Variants in PTPRT observed in about 807,000 individuals in gnomAD.
The protein encoded by PTPRT is protein tyrosine phosphatase receptor type T.
Under a neutral mutation model 176.8 loss-of-function variants are expected in PTPRT, and 56 were observed. The observed-to-expected ratio is 0.32, with a 90% CI of 0.26 to 0.40. The LOEUF is 0.40. PTPRT is among the 10% of genes least tolerant of loss of function. PTPRT has a pLI of 1.00. For synonymous variants in PTPRT, 783 were observed against 739.0 expected, an observed-to-expected ratio of 1.06 and a Z score of -0.96; for missense variants, 1,540 against 1,908.2, an observed-to-expected ratio of 0.81 and a Z score of 3.60.
At chr20:42,809,696 C>T (rs73098095) in intron 2 of PTPRT, among the ~76,000 whole-genome samples, 59,579 of 151,822 alleles carry the variant, frequency 0.39, 12,597 homozygotes, top group Non-Finnish European at 0.48. Flanking sequence ...GTCGTCTCTG[C>T]CTCTGTTTTC....
chr20:43,180,827 T>C (rs2425616), intron 1 of PTPRT, among the ~76,000 whole-genome samples: 96,788 of 152,004 alleles, frequency 0.64, 33,842 homozygotes, highest in Non-Finnish European at 0.79. Flanking sequence ...TTCTAATATA[T>C]ATAGCCTATT....
At position 43,046,424 on chromosome 20, in the gene PTPRT, T is replaced by A. The variant is rs148099820; in HGVS notation, c.88+143222A>T. Among the ~76,000 whole-genome samples the A allele has an allele frequency of 9.0e-3, 1,266 of 140,140 alleles. 9 individuals are homozygous for A. Among genetic ancestry groups the A allele is most frequent in the African/African-American group, 0.036 (1,188 of 33,222 alleles). The allele number at this position is 140,140 out of a possible 152,430, so 91.9% of individuals were successfully genotyped here. On this transcript the variant is annotated intron_variant, in intron 1 of 30. Coordinates refer to ENST00000373187, the MANE Select transcript of PTPRT (RefSeq NM_007050.6). ...TCTACTAAAAATAGAAAAAATTAGCTGGGTGTGGTGGAGCGCGCCTGTAGT... is the reference window on the plus strand; with the variant it reads ...TCTACTAAAAATAGAAAAAATTAGCAGGGTGTGGTGGAGCGCGCCTGTAGT...
intron 16 of PTPRT, among the ~76,000 whole-genome samples, chr20:42,186,131 TG>T (rs1468590732): frequency 2.0e-5 from 3 of 151,882 alleles, no homozygotes; most frequent in Non-Finnish European, 4.4e-5. Context: ...GAGAAAAGCA[TG>T]GGTATAGCCA....
chr20:42,793,392 T>A (rs191672584), intron 2 of PTPRT, among the ~76,000 whole-genome samples: 2 of 152,342 alleles, frequency 1.3e-5, no homozygotes, highest in Admixed American at 1.3e-4. Flanking sequence ...CGTCCATGTG[T>A]ACGCATTATT....
In PTPRT at chr20:43,119,028, T is replaced by G. The variant is rs1470669955; in HGVS notation, c.88+70618A>C. Among the ~76,000 whole-genome samples, 3 of 152,252 alleles carry G rather than the reference T, an allele frequency of 2.0e-5. No individual in the cohort carries two copies. In the East Asian group the frequency reaches 5.8e-4, roughly 29 times the overall value. On this transcript the variant is annotated intron_variant, in intron 1 of 30. Coordinates refer to ENST00000373187, the MANE Select transcript of PTPRT (RefSeq NM_007050.6). ...AGCCCTTTTTACAATAGTAAAATATTGCAACAATCTAAATATCCAATATTA... is the reference window on the plus strand; with the variant it reads ...AGCCCTTTTTACAATAGTAAAATATGGCAACAATCTAAATATCCAATATTA...
At chr20:42,144,846 A>G (rs1988790516) in intron 17 of PTPRT, among the ~76,000 whole-genome samples, 1 of 152,200 alleles carries the variant, frequency 6.6e-6, no homozygotes. Flanking sequence ...TTGCCCATCT[A>G]TTCCTTACTA....
In PTPRT at chr20:42,807,798, C is replaced by T. The variant is rs142982236; in HGVS notation, c.215-16332G>A. Among the ~76,000 whole-genome samples the T allele has an allele frequency of 1.1e-4, 17 of 152,260 alleles. No homozygotes were observed. The East Asian group carries it at 2.7e-3, about 24-fold the overall frequency. On this transcript the variant is annotated intron_variant, in intron 2 of 30. Transcript: ENST00000373187. Reference sequence around the variant, plus strand: ...TTCATTCTTTTACTAATTATGTGCCCGCTAAACATTCACTGAGCAAGCTTT... The same window carrying T: ...TTCATTCTTTTACTAATTATGTGCCTGCTAAACATTCACTGAGCAAGCTTT...
chr20:42,242,240 A>C (rs1407448388), intron 14 of PTPRT, among the ~76,000 whole-genome samples: 1 of 152,188 alleles, frequency 6.6e-6, no homozygotes, highest in Non-Finnish European at 1.5e-5. Flanking sequence ...ACGAACCATT[A>C]ATGCTTAATG....
chr20:42,629,235 T>C (rs1019127414), intron 7 of PTPRT, among the ~76,000 whole-genome samples: 1 of 152,096 alleles, frequency 6.6e-6, no homozygotes, highest in South Asian at 2.1e-4. Flanking sequence ...CGAGTGTTGA[T>C]GCATGTTTTG....
At chr20:42,365,523 G>A (rs1338030473) in intron 9 of PTPRT, among the ~76,000 whole-genome samples, 1 of 151,658 alleles carries the variant, frequency 6.6e-6, no homozygotes, top group Non-Finnish European at 1.5e-5. Flanking sequence ...TCTTGGGGTC[G>A]ATGGCACCCC....
chr20:42,973,298 A>T (rs912752989), intron 1 of PTPRT, among the ~76,000 whole-genome samples: 13 of 152,096 alleles, frequency 8.5e-5, no homozygotes, highest in Non-Finnish European at 1.9e-4. Context: ...GAGGAAAAAA[A>T]ACCTTGAAAA....
chr20:42,867,322 C>G (rs2078763391), intron 2 of PTPRT, among the ~76,000 whole-genome samples: 1 of 151,482 alleles, frequency 6.6e-6, no homozygotes, highest in Admixed American at 6.6e-5. Context: ...AATTGGCATT[C>G]CAACTAATAT....
intron 1 of PTPRT, among the ~76,000 whole-genome samples, chr20:43,104,394 C>G (rs1238207563): frequency 6.6e-6 from 1 of 151,998 alleles, no homozygotes; most frequent in Non-Finnish European, 1.5e-5. Flanking sequence ...TATGTGTGAT[C>G]CAGTCAATCA....
chr20:42,841,610 TACACACACACACACACACACACACACAC>T (rs3973897), intron 2 of PTPRT, among the ~76,000 whole-genome samples: 1 of 140,908 alleles, frequency 7.1e-6, no homozygotes, highest in Admixed American at 7.1e-5. Context: ...TAGTGTTAAA[TACACACACACACACACACACACACACAC>T]ACACACACAC....
intron 1 of PTPRT, among the ~76,000 whole-genome samples, chr20:43,001,604 T>C (rs1984558731): frequency 6.6e-6 from 1 of 151,960 alleles, no homozygotes; most frequent in Non-Finnish European, 1.5e-5. Context: ...ATACAACATT[T>C]ATCAGGAAGA....
In PTPRT at chr20:42,177,630, A is replaced by G. The variant is rs10485687; in HGVS notation, c.2492-16088T>C. ...GCTAGTACCGTACAAGAGTCATTCA[A>G]AGAACATACTAAATATAGATTCCTT... On this transcript the variant is annotated intron_variant, in intron 16 of 30. Transcript: ENST00000373187. Among the ~76,000 whole-genome samples the G allele has an allele frequency of 4.2e-3, 641 of 152,314 alleles. 14 individuals carry two copies. The highest frequency in any genetic ancestry group is 0.038 in the Admixed American group (581 of 15,296).
At chr20:42,909,939 C>T (rs560963131) in intron 1 of PTPRT, among the ~76,000 whole-genome samples, 1 of 152,314 alleles carries the variant, frequency 6.6e-6, no homozygotes, top group Admixed American at 6.5e-5. Flanking sequence ...TGATGCCAAT[C>T]GGTATTTCAG....
intron 18 of PTPRT, among the ~76,000 whole-genome samples, chr20:42,131,218 G>A (rs1030300878): frequency 6.6e-6 from 1 of 152,170 alleles, no homozygotes; most frequent in African/African-American, 2.4e-5. Flanking sequence ...GGACTTCCTG[G>A]GGGACAGCCC....
intron 3 of PTPRT, among the ~76,000 whole-genome samples, chr20:42,787,920 G>T (rs1379052804): frequency 6.6e-6 from 1 of 152,084 alleles, no homozygotes; most frequent in Non-Finnish European, 1.5e-5. Context: ...AAATACAGAA[G>T]ATATGCCAAT....
Sources: allele counts gnomAD v4.1 joint callset (sites outside exome capture counted in the v4.1 genomes callset), GRCh38; gene constraint gnomAD v4.1.1; transcripts MANE v1.5; gene names NCBI Gene and HGNC (gene_info 2026-07-23, HGNC 2026-07-21).